EDIL3: variants seen among roughly 807,000 people sequenced by gnomAD.
EDIL3 encodes the protein EGF like and discoidin domains 3, also known as EGF-like repeat and discoidin I-like domain-containing protein 3.
A neutral mutation model predicts 67.4 loss-of-function variants in EDIL3; 37 were observed. That is an observed-to-expected ratio of 0.55 (90% CI 0.42 to 0.72). The LOEUF is 0.72. Ranked by LOEUF, EDIL3 falls within the 30% of genes least tolerant of loss-of-function variation. The pLI is 0.00. For synonymous variants in EDIL3, 195 were observed against 196.3 expected, an observed-to-expected ratio of 0.99 and a Z score of 0.05; for missense variants, 527 against 586.3, an observed-to-expected ratio of 0.90 and a Z score of 1.04.
At chr5:84,285,145 G>A (rs1464950743) in intron 1 of EDIL3, among the ~76,000 whole-genome samples, 1 of 152,092 alleles carries the variant, frequency 6.6e-6, no homozygotes, top group Non-Finnish European at 1.5e-5. Flanking sequence ...TTGAATAAGT[G>A]GGCCCCTTTT....
At chr5:83,952,857 T>G (rs1276005442) in intron 10 of EDIL3, among the ~76,000 whole-genome samples, 1 of 151,830 alleles carries the variant, frequency 6.6e-6, no homozygotes, top group East Asian at 2.0e-4. Flanking sequence ...TTGAAGAGTT[T>G]CACCCTATCC....
At chr5:84,098,274 C>T (rs145446921) in intron 6 of EDIL3, among the ~76,000 whole-genome samples, 2,033 of 152,044 alleles carry the variant, frequency 0.013, 20 homozygotes, top group Non-Finnish European at 0.02. Flanking sequence ...CTAATTAGTG[C>T]ATGTTTGTCA....
At chr5:83,944,815 T>C (rs1744284357) in intron 10 of EDIL3, among the ~76,000 whole-genome samples, 1 of 151,972 alleles carries the variant, frequency 6.6e-6, no homozygotes, top group African/African-American at 2.4e-5. Context: ...ATCAAATTTC[T>C]TTCTTGTTTG....
chr5:84,095,085 A>G (rs546244658), intron 6 of EDIL3, among the ~76,000 whole-genome samples: 1 of 152,274 alleles, frequency 6.6e-6, no homozygotes, highest in Non-Finnish European at 1.5e-5. Flanking sequence ...ATCAAGCAAA[A>G]GTGTTTTTTA....
Position 84,150,824 on chromosome 5 carries a change from G to T in EDIL3, c.356-13470C>A, listed in dbSNP as rs1462461606. ...GTATGTCCACACAAAGACTTGTATG[G>T]ATGTTCATAGCAGCTTTATTACTAT... is the stretch of plus-strand genomic sequence containing the variant. On this transcript the variant is annotated intron_variant, in intron 4 of 10. Transcript: ENST00000296591. Among the ~76,000 whole-genome samples, 3 of 152,242 alleles carry T rather than the reference G, an allele frequency of 2.0e-5. No homozygotes were observed. The South Asian group carries it at 6.2e-4, about 32-fold the overall frequency.
chr5:84,228,162 C>G (rs903425563), intron 3 of EDIL3, among the ~76,000 whole-genome samples: 4 of 151,948 alleles, frequency 2.6e-5, no homozygotes, highest in African/African-American at 7.3e-5. Context: ...TTGGACAACA[C>G]AGGCCTGGAG....
chr5:84,185,086 G>A (rs1477673168), intron 3 of EDIL3, among the ~76,000 whole-genome samples: 1 of 152,036 alleles, frequency 6.6e-6, no homozygotes, highest in African/African-American at 2.4e-5. Flanking sequence ...TCTTGTTTTA[G>A]AGGCAATAAA....
At chr5:84,364,346 C>G (rs554963489) in intron 1 of EDIL3, among the ~76,000 whole-genome samples, 1 of 152,244 alleles carries the variant, frequency 6.6e-6, no homozygotes, top group Admixed American at 6.5e-5. Flanking sequence ...CTTGTTAGAG[C>G]CAGAATTGTC....
chr5:84,269,677 A>G (rs1024333178), intron 1 of EDIL3, among the ~76,000 whole-genome samples: 14 of 152,286 alleles, frequency 9.2e-5, no homozygotes, highest in South Asian at 2.1e-4. Flanking sequence ...ACTTTATTGC[A>G]TAACTAATCC....
chr5:84,239,668 T>C (rs748343505), intron 2 of EDIL3, among the ~76,000 whole-genome samples: 2 of 152,216 alleles, frequency 1.3e-5, no homozygotes, highest in Admixed American at 6.5e-5. Context: ...GAGGTCATGC[T>C]TGGGGTTGAG....
chr5:84,247,697 A>T (rs911447819), intron 2 of EDIL3, among the ~76,000 whole-genome samples: 1 of 152,128 alleles, frequency 6.6e-6, no homozygotes, highest in African/African-American at 2.4e-5. Context: ...GGAATATGAT[A>T]GGTAAAAGAG....
intron 1 of EDIL3, among the ~76,000 whole-genome samples, chr5:84,308,993 T>A (rs757343584): frequency 5.9e-5 from 9 of 152,152 alleles, no homozygotes; most frequent in Non-Finnish European, 1.0e-4. Flanking sequence ...AAGGATACTG[T>A]CGAATTTCTT....
chr5:84,337,175 C>A (rs1747006352), intron 1 of EDIL3, among the ~76,000 whole-genome samples: 1 of 152,104 alleles, frequency 6.6e-6, no homozygotes, highest in Admixed American at 6.6e-5. Flanking sequence ...CCTCTGATAA[C>A]CAAGCTCTGC....
At chr5:84,306,575 C>T (rs1373464638) in intron 1 of EDIL3, among the ~76,000 whole-genome samples, 2 of 152,132 alleles carry the variant, frequency 1.3e-5, no homozygotes, top group Non-Finnish European at 2.9e-5. Flanking sequence ...CAGATGGTAT[C>T]AGTAAGTTTT....
intron 10 of EDIL3, among the ~76,000 whole-genome samples, chr5:83,956,618 T>A (rs1744518150): frequency 6.6e-6 from 1 of 151,802 alleles, no homozygotes. Context: ...TACATTTCAT[T>A]CTTGGTCAGA....
intron 6 of EDIL3, among the ~76,000 whole-genome samples, chr5:84,085,046 CAT>C (rs368741167): frequency 1.3e-3 from 204 of 152,274 alleles, no homozygotes; most frequent in Middle Eastern, 6.8e-3. Flanking sequence ...TTTTAAAAAT[CAT>C]ATGAGTCTTA....
chr5:84,022,860 A>G (rs1005271697), intron 9 of EDIL3, among the ~76,000 whole-genome samples: 1 of 152,010 alleles, frequency 6.6e-6, no homozygotes, highest in Non-Finnish European at 1.5e-5. Context: ...TATAGTTAGC[A>G]ACAATGTACT....
chr5:83,946,656 G>A (rs1744316835), intron 10 of EDIL3, among the ~76,000 whole-genome samples: 1 of 151,870 alleles, frequency 6.6e-6, no homozygotes, highest in African/African-American at 2.4e-5. Flanking sequence ...ACCATTCTTT[G>A]TTAGGACTAC....
At chr5:84,336,248 G>C in intron 1 of EDIL3, among the ~76,000 whole-genome samples, 2 of 152,278 alleles carry the variant, frequency 1.3e-5, no homozygotes, top group South Asian at 4.2e-4. Flanking sequence ...AAAGACCTGC[G>C]TGTATTCAAG....
Sources: gnomAD v4.1 joint callset for allele counts (sites outside exome capture counted in the v4.1 genomes callset) on GRCh38, gnomAD v4.1.1 for gene constraint, MANE v1.5 for transcripts, NCBI Gene and HGNC (gene_info 2026-07-23, HGNC 2026-07-21) for gene names.